Variants in GNA12 observed in about 807,000 individuals in gnomAD.
GNA12 encodes G protein subunit alpha 12, also known as guanine nucleotide-binding protein subunit alpha-12.
GNA12 carries 9 observed loss-of-function variants against 26.0 expected under a neutral mutation model. That is an observed-to-expected ratio of 0.35 (90% CI 0.21 to 0.60). GNA12 has a LOEUF of 0.60. Ranked by LOEUF, GNA12 falls within the 20% of genes least tolerant of loss-of-function variation. GNA12 has a pLI of 0.78. For synonymous variants in GNA12, 264 were observed against 219.6 expected, an observed-to-expected ratio of 1.20 and a Z score of -1.79; for missense variants, 405 against 525.8, an observed-to-expected ratio of 0.77 and a Z score of 2.25.
At chr7:2,833,819 T>A (rs140460241) in intron 1 of GNA12, among the ~76,000 whole-genome samples, 1 of 152,142 alleles carries the variant, frequency 6.6e-6, no homozygotes, top group Non-Finnish European at 1.5e-5. Flanking sequence ...AAAGAGGCAC[T>A]TCTGAACTCC....
chr7:2,810,015 A>C (rs1793041218), intron 1 of GNA12, among the ~76,000 whole-genome samples: 1 of 152,224 alleles, frequency 6.6e-6, no homozygotes, highest in South Asian at 2.1e-4. Context: ...TCACCTTCTT[A>C]GAGGGAAATG....
At chr7:2,788,681 C>A (rs1328334172) in intron 2 of GNA12, among the ~76,000 whole-genome samples, 1 of 152,186 alleles carries the variant, frequency 6.6e-6, no homozygotes, top group East Asian at 1.9e-4. Context: ...AAGAGCTGTG[C>A]AGCCAGGAAA....
chr7:2,783,033 G>A (rs186470905), intron 2 of GNA12, among the ~76,000 whole-genome samples: 1 of 152,272 alleles, frequency 6.6e-6, no homozygotes. Context: ...CTTTAAACAA[G>A]TTAGGGCAGC....
At chr7:2,832,528 G>C (rs1375418105) in intron 1 of GNA12, among the ~76,000 whole-genome samples, 1 of 152,188 alleles carries the variant, frequency 6.6e-6, no homozygotes, top group African/African-American at 2.4e-5. Context: ...AATTAGCACA[G>C]ATTCTTCGGG....
intron 1 of GNA12, among the ~76,000 whole-genome samples, chr7:2,838,231 A>C (rs1447346259): frequency 3.3e-5 from 5 of 151,676 alleles, no homozygotes; most frequent in Admixed American, 3.3e-4. Flanking sequence ...ACATATGTAT[A>C]CTGTAAACCT....
At chr7:2,800,207 T>C (rs971128943) in intron 1 of GNA12, among the ~76,000 whole-genome samples, 2 of 152,246 alleles carry the variant, frequency 1.3e-5, no homozygotes, top group East Asian at 1.9e-4. Flanking sequence ...TAGGATGTTA[T>C]GTTAAACGAA....
chr7:2,772,998 C>A (rs35957220), intron 2 of GNA12, among the ~76,000 whole-genome samples: 1 of 152,144 alleles, frequency 6.6e-6, no homozygotes, highest in African/African-American at 2.4e-5. Context: ...ATGAATCTCT[C>A]AGTCATTAAG....
intron 1 of GNA12, among the ~76,000 whole-genome samples, chr7:2,811,601 A>G (rs1793082806): frequency 6.6e-6 from 1 of 152,242 alleles, no homozygotes; most frequent in Admixed American, 6.5e-5. Context: ...CATTTACCTG[A>G]AAGCACACGG....
chr7:2,778,974 AGCCTTC>A (rs1393268858), intron 2 of GNA12, among the ~76,000 whole-genome samples: 1 of 152,228 alleles, frequency 6.6e-6, no homozygotes, highest in Non-Finnish European at 1.5e-5. Context: ...TTCAACTGTA[AGCCTTC>A]TTTCAGGAAT....
In GNA12 at chr7:2,773,700, A is replaced by G. The variant is rs1792004900; in HGVS notation, c.525+21228T>C. Among the ~76,000 whole-genome samples, 3 of 152,304 alleles carry G rather than the reference A, an allele frequency of 2.0e-5. No individual in the cohort carries two copies. In the South Asian group the frequency reaches 6.2e-4, roughly 32 times the overall value. ...CTCTGCTGGTAGAGCACAAATACAA[A>G]CACTGTGAAAAATCCATGAACACTG... On this transcript the variant is annotated intron_variant, in intron 2 of 3. Coordinates refer to ENST00000275364, the MANE Select transcript of GNA12 (RefSeq NM_007353.3).
intron 2 of GNA12, among the ~76,000 whole-genome samples, chr7:2,745,194 G>A (rs996967975): frequency 3.3e-5 from 5 of 152,034 alleles, no homozygotes; most frequent in Non-Finnish European, 7.4e-5. Context: ...CCTTGAGAAA[G>A]GCAACTCCAA....
At chr7:2,786,030 G>T (rs1279125507) in intron 2 of GNA12, among the ~76,000 whole-genome samples, 1 of 152,250 alleles carries the variant, frequency 6.6e-6, no homozygotes, top group Non-Finnish European at 1.5e-5. Context: ...TCGCACCACT[G>T]CACTCCAGCC....
intron 1 of GNA12, among the ~76,000 whole-genome samples, chr7:2,837,866 A>G (rs892256302): frequency 3.3e-5 from 5 of 152,186 alleles, no homozygotes; most frequent in African/African-American, 7.2e-5. Flanking sequence ...AATTTTATTC[A>G]GTCAAAAGGG....
intron 3 of GNA12, among the ~76,000 whole-genome samples, chr7:2,732,494 T>C (rs1020110964): frequency 3.3e-5 from 5 of 152,120 alleles, no homozygotes; most frequent in Admixed American, 2.6e-4. Flanking sequence ...TACAATGAGT[T>C]ACGATCGTGC....
In GNA12 at chr7:2,752,014, A is replaced by G. The variant is rs536635058; in HGVS notation, c.526-18513T>C. Among the ~76,000 whole-genome samples, 5 of 152,350 alleles carry G rather than the reference A, an allele frequency of 3.3e-5. No individual in the cohort carries two copies. The South Asian group carries it at 1.0e-3, about 32-fold the overall frequency. On this transcript the variant is annotated intron_variant, in intron 2 of 3. Transcript: ENST00000275364. ...CAACTCCTTTTATGAGGCCAGCATC[A>G]TCCTGGTACCCACACCGACAAGATT...
chr7:2,811,286 C>T (rs1301896023), intron 1 of GNA12, among the ~76,000 whole-genome samples: 3 of 152,190 alleles, frequency 2.0e-5, no homozygotes, highest in African/African-American at 4.8e-5. Flanking sequence ...GAGCTCCCCG[C>T]TCCACCGATG....
intron 1 of GNA12, among the ~76,000 whole-genome samples, chr7:2,822,863 A>T (rs779130322): frequency 2.0e-5 from 3 of 152,186 alleles, no homozygotes; most frequent in Non-Finnish European, 4.4e-5. Context: ...GTTGAAGGAG[A>T]TAAACACTCA....
chr7:2,822,055 A>G (rs1308451181), intron 1 of GNA12, among the ~76,000 whole-genome samples: 1 of 152,210 alleles, frequency 6.6e-6, no homozygotes, highest in Non-Finnish European at 1.5e-5. Flanking sequence ...AATGTGATAT[A>G]CACATCAACA....
At chr7:2,748,736 G>C (rs997947079) in intron 2 of GNA12, among the ~76,000 whole-genome samples, 5 of 152,068 alleles carry the variant, frequency 3.3e-5, no homozygotes, top group African/African-American at 1.2e-4. Flanking sequence ...CTACAGAATG[G>C]GAGAAAATTT....
Sources: gnomAD v4.1 joint callset for allele counts (sites outside exome capture counted in the v4.1 genomes callset) on GRCh38, gnomAD v4.1.1 for gene constraint, MANE v1.5 for transcripts, NCBI Gene and HGNC (gene_info 2026-07-23, HGNC 2026-07-21) for gene names.